Variants in THRAP3 observed in about 807,000 individuals in gnomAD.
THRAP3 encodes thyroid hormone receptor associated protein 3.
Under a neutral mutation model 101.0 loss-of-function variants are expected in THRAP3, and 16 were observed. The ratio of observed to expected loss-of-function variants is 0.16; its 90% CI spans 0.11 to 0.24. The LOEUF (loss-of-function observed/expected upper bound fraction) is 0.24. THRAP3 is among the 10% of genes least tolerant of loss of function. The pLI is 1.00. For synonymous variants in THRAP3, 407 were observed against 422.6 expected, an observed-to-expected ratio of 0.96 and a Z score of 0.45; for missense variants, 989 against 1,202.7, an observed-to-expected ratio of 0.82 and a Z score of 2.63.
At chr1:36,215,165 A>G in the THRAP3 span, among the ~76,000 whole-genome samples, 2 of 152,058 alleles carry the variant, frequency 1.3e-5, no homozygotes, top group South Asian at 4.2e-4. Flanking sequence ...TGGGGCTTGC[A>G]GTGAGCCGAG....
At chr1:36,244,750 G>A (rs1202355967) in intron 1 of THRAP3, among the ~76,000 whole-genome samples, 4 of 148,978 alleles carry the variant, frequency 2.7e-5, no homozygotes, top group Non-Finnish European at 4.4e-5. Context: ...ACAGAGTCTC[G>A]CTCTGTTGCC....
chr1:36,278,731 G>T (rs1016908425), intron 2 of THRAP3, among the ~76,000 whole-genome samples: 7 of 152,056 alleles, frequency 4.6e-5, no homozygotes, highest in Admixed American at 1.3e-4. Flanking sequence ...AGACCATCCT[G>T]GCTAACACAG....
chr1:36,230,801 C>T (rs1261222981), intron 1 of THRAP3, among the ~76,000 whole-genome samples: 2 of 152,130 alleles, frequency 1.3e-5, no homozygotes, highest in Non-Finnish European at 2.9e-5. Flanking sequence ...TTCTTTGGCT[C>T]ATACAGTGTT....
chr1:36,222,356 G>A (rs950967572), upstream of THRAP3, among the ~76,000 whole-genome samples: 188 of 152,200 alleles, frequency 1.2e-3, 1 homozygote, highest in African/African-American at 4.5e-3. Flanking sequence ...GCTTTATTGT[G>A]GTGTTCTGGA....
chr1:36,252,927 C>CAT (rs71053916), intron 1 of THRAP3, among the ~76,000 whole-genome samples: 4,985 of 75,728 alleles, frequency 0.066, 129 homozygotes, highest in East Asian at 0.13. Flanking sequence ...TATAGATAGG[C>CAT]ATATATATAT....
chr1:36,270,216 T>A (rs1645569685), intron 2 of THRAP3, among the ~76,000 whole-genome samples: 1 of 152,120 alleles, frequency 6.6e-6, no homozygotes, highest in South Asian at 2.1e-4. Flanking sequence ...TGGCGAGACC[T>A]TGTCTCTACA....
At chr1:36,296,503 G>A in intron 8 of THRAP3, 80 bp from the exon 9 acceptor site, 2 of 1,274,088 alleles carry the variant, frequency 1.6e-6, no homozygotes, top group Non-Finnish European at 2.2e-6. Context: ...CTCCATTGGA[G>A]TAAAAACCAC....
At chr1:36,230,259 C>G (rs971906985) in intron 1 of THRAP3, among the ~76,000 whole-genome samples, 11 of 151,942 alleles carry the variant, frequency 7.2e-5, no homozygotes, top group African/African-American at 2.4e-4. Context: ...GCTGGGGTTA[C>G]AGGCATGGGC....
intron 2 of THRAP3, among the ~76,000 whole-genome samples, chr1:36,263,565 G>A (rs1557429520): frequency 6.6e-6 from 1 of 152,122 alleles, no homozygotes; most frequent in Non-Finnish European, 1.5e-5. Context: ...CTTAAGAATT[G>A]AGAAGAAAAT....
intron 1 of THRAP3, among the ~76,000 whole-genome samples, chr1:36,251,086 T>C (rs1438190783): frequency 6.6e-6 from 1 of 151,998 alleles, no homozygotes; most frequent in Non-Finnish European, 1.5e-5. Flanking sequence ...ATAAAAATGG[T>C]TAAAATGGGC....
In THRAP3 at chr1:36,301,098, CT is replaced by C; in HGVS notation, c.2502+15del. The C allele has an allele frequency of 9.9e-6, 16 of 1,612,248 alleles. No individual in the cohort carries two copies. Among genetic ancestry groups the C allele is most frequent in the Non-Finnish European group, 1.4e-5 (16 of 1,178,910 alleles). On this transcript the variant is annotated intron_variant, in intron 10 of 11. Coordinates refer to ENST00000354618, the MANE Select transcript of THRAP3 (RefSeq NM_005119.4). The stretch of plus-strand genomic sequence containing the variant: ...CGAGGAACCTTTGTAAGACCTTCCC[CT>C]CTCCCCCTTTCTCTGAGACCCTTGC...
upstream of THRAP3, among the ~76,000 whole-genome samples, chr1:36,220,428 C>G (rs541361910): frequency 6.6e-6 from 1 of 152,302 alleles, no homozygotes; most frequent in African/African-American, 2.4e-5. Context: ...ATAATCCCAG[C>G]ACTTTGGGAG....
At chr1:36,231,829 C>T (rs946972891) in intron 1 of THRAP3, among the ~76,000 whole-genome samples, 2 of 152,138 alleles carry the variant, frequency 1.3e-5, no homozygotes, top group African/African-American at 4.8e-5. Flanking sequence ...ATTCCTTTGG[C>T]TTGAAAGACT....
At chr1:36,262,232 T>G (rs1645455809) in intron 2 of THRAP3, among the ~76,000 whole-genome samples, 1 of 152,244 alleles carries the variant, frequency 6.6e-6, no homozygotes, top group African/African-American at 2.4e-5. Flanking sequence ...ATGTTTATTT[T>G]ATACCTGTAG....
chr1:36,269,593 C>T (rs1411164583), intron 2 of THRAP3, among the ~76,000 whole-genome samples: 3 of 152,166 alleles, frequency 2.0e-5, no homozygotes, highest in African/African-American at 7.2e-5. Flanking sequence ...TTGCAGAGCA[C>T]ACACGTGGAA....
chr1:36,291,213 C>T lies in THRAP3; in HGVS notation c.1746-161C>T, dbSNP rs556369815. On this transcript the variant is annotated intron_variant, in intron 5 of 11. Transcript: ENST00000354618. The stretch of plus-strand genomic sequence containing the variant: ...AGAGAAGAGAGAGATTTTGTATATA[C>T]TTTTCCATAGTTACAGTGCACTGAG... Among the ~76,000 whole-genome samples, 11 of 152,296 alleles carry T rather than the reference C, an allele frequency of 7.2e-5. No homozygotes were observed. In the South Asian group the frequency reaches 2.3e-3, roughly 32 times the overall value.
At chr1:36,224,108 T>C (rs1644928417), upstream of THRAP3, among the ~76,000 whole-genome samples, 2 of 152,036 alleles carry the variant, frequency 1.3e-5, no homozygotes, top group Non-Finnish European at 2.9e-5. Context: ...CCGGAGTGGG[T>C]GGGGCTCAGA....
intron 1 of THRAP3, among the ~76,000 whole-genome samples, chr1:36,249,720 G>GTGTGTGT (rs1553193619): frequency 6.8e-5 from 10 of 146,910 alleles, no homozygotes; most frequent in South Asian, 2.2e-4. Flanking sequence ...GTGTGTGTGT[G>GTGTGTGT]GTGGAGGTTG....
intron 1 of THRAP3, among the ~76,000 whole-genome samples, chr1:36,228,071 G>C (rs1488917784): frequency 1.4e-5 from 2 of 146,500 alleles, no homozygotes; most frequent in Non-Finnish European, 3.0e-5. Flanking sequence ...TCTGTTGGTG[G>C]AGTCTTCCTC....
Sources: allele counts gnomAD v4.1 joint callset (sites outside exome capture counted in the v4.1 genomes callset), GRCh38; gene constraint gnomAD v4.1.1; transcripts MANE v1.5; gene names NCBI Gene and HGNC (gene_info 2026-07-23, HGNC 2026-07-21).